TNIK: variants seen among roughly 807,000 people sequenced by gnomAD.
TNIK encodes TRAF2 and NCK interacting kinase.
A neutral mutation model predicts 191.3 loss-of-function variants in TNIK; 49 were observed. The observed-to-expected ratio is 0.26, with a 90% confidence interval of 0.20 to 0.32. TNIK has a LOEUF of 0.32. TNIK is among the 10% of genes least tolerant of loss of function. TNIK has a pLI of 1.00. For missense variants in TNIK, 1,155 were observed against 1,702.3 expected (o/e 0.68, Z 5.66); for synonymous variants, 594 against 600.9 (o/e 0.99, Z 0.17).
intron 2 of TNIK, among the ~76,000 whole-genome samples, chr3:171,233,290 A>AAC (rs1413704926): frequency 6.7e-6 from 1 of 149,350 alleles, no homozygotes; most frequent in Non-Finnish European, 1.5e-5. Context: ...CACTGATCAT[A>AAC]ACCAGCACTG....
intron 18 of TNIK, among the ~76,000 whole-genome samples, chr3:171,117,711 C>A (rs1056807150): frequency 6.6e-6 from 1 of 152,136 alleles, no homozygotes; most frequent in Non-Finnish European, 1.5e-5. Context: ...TGGCTCACAC[C>A]TGTAATCCCA....
chr3:171,139,953 G>A (rs1232705941), intron 13 of TNIK, among the ~76,000 whole-genome samples: 4 of 152,204 alleles, frequency 2.6e-5, no homozygotes, highest in South Asian at 4.1e-4. Context: ...ATCGTGCACT[G>A]TCTTTGTAAT....
At chr3:171,440,730 G>C (rs971774715) in intron 1 of TNIK, among the ~76,000 whole-genome samples, 1 of 152,096 alleles carries the variant, frequency 6.6e-6, no homozygotes, top group Non-Finnish European at 1.5e-5. Context: ...GGGTGTGGAG[G>C]GAGACAACCA....
At chr3:171,200,116 G>A (rs1189183931) in intron 4 of TNIK, among the ~76,000 whole-genome samples, 1 of 152,134 alleles carries the variant, frequency 6.6e-6, no homozygotes, top group Non-Finnish European at 1.5e-5. Context: ...CCAGGGCAAT[G>A]GATCTTTTTA....
chr3:171,120,879 AC>A (rs1341957370), intron 18 of TNIK, among the ~76,000 whole-genome samples: 4 of 152,072 alleles, frequency 2.6e-5, no homozygotes, highest in African/African-American at 7.2e-5. Context: ...CCCTACTAGT[AC>A]CCGTAGTCCC....
At chr3:171,383,296 C>T (rs1250428516) in intron 1 of TNIK, among the ~76,000 whole-genome samples, 1 of 152,222 alleles carries the variant, frequency 6.6e-6, no homozygotes, top group Non-Finnish European at 1.5e-5. Flanking sequence ...GGTCTCTGCA[C>T]CCCACTGAGG....
intron 2 of TNIK, among the ~76,000 whole-genome samples, chr3:171,336,303 A>G (rs1424208506): frequency 1.3e-5 from 2 of 152,290 alleles, no homozygotes; most frequent in Non-Finnish European, 2.9e-5. Flanking sequence ...TGTTCCAAAT[A>G]TCCTTGATAC....
intron 4 of TNIK, among the ~76,000 whole-genome samples, chr3:171,203,982 A>G (rs1739742022): frequency 6.6e-6 from 1 of 152,202 alleles, no homozygotes; most frequent in African/African-American, 2.4e-5. Context: ...GCCCTGTATT[A>G]TGGTGGTATC....
At chr3:171,247,102 T>G (rs974372401) in intron 2 of TNIK, among the ~76,000 whole-genome samples, 1 of 152,184 alleles carries the variant, frequency 6.6e-6, no homozygotes, top group African/African-American at 2.4e-5. Flanking sequence ...AAGAACAGCT[T>G]CCTGTGTCAC....
At chr3:171,071,109 A>T in intron 29 of TNIK, 114 bp downstream of exon 29, 1 of 648,328 alleles carries the variant, frequency 1.5e-6, no homozygotes, top group East Asian at 3.1e-5. Context: ...CACTTTTAAA[A>T]CAGGTTTATT....
Position 171,068,889 on chromosome 3 carries a change from C to T in TNIK, c.3658G>A (p.Val1220Ile). ...ATATCATAAGAGTTTCCTGAATCAA[C>T]ATCAATTACATGGAAACCAGTGTGT... ...GSHTGFHVID[V>I]DSGNSYDIYI... Residue 1220 changes from valine to isoleucine, a missense_variant, in exon 30 of 33, where the codon GTT becomes ATT. Around this residue, in one of 3 missense-constraint regions of TNIK, gnomAD observed 195 missense variants for 415.4 expected, o/e 0.47. Transcript: ENST00000436636. 6.2e-7 allele frequency: 1 copy of T among 1,613,826 alleles called. No individual in the cohort carries two copies. The highest frequency in any genetic ancestry group is 8.5e-7 in the Non-Finnish European group (1 of 1,179,792).
chr3:171,234,264 A>C (rs774425992), intron 2 of TNIK, among the ~76,000 whole-genome samples: 9 of 152,262 alleles, frequency 5.9e-5, no homozygotes, highest in Non-Finnish European at 1.3e-4. Context: ...TTCACAGAGC[A>C]TACTTGGCAT....
At chr3:171,439,663 A>T (rs1319260571) in intron 1 of TNIK, 1 of 152,060 alleles carries the variant, frequency 6.6e-6, no homozygotes, top group South Asian at 2.1e-4. Flanking sequence ...TATAAATTAC[A>T]CTCCAGATCA....
intron 2 of TNIK, among the ~76,000 whole-genome samples, chr3:171,320,924 T>G (rs1360059413): frequency 6.6e-6 from 1 of 152,172 alleles, no homozygotes; most frequent in Non-Finnish European, 1.5e-5. Context: ...CATCCCAGCA[T>G]AGAGGAACAA....
intron 15 of TNIK, 123 bp from the exon 16 acceptor site, chr3:171,129,001 A>C: frequency 7.2e-7 from 1 of 1,386,260 alleles, no homozygotes; most frequent in Non-Finnish European, 9.4e-7. Context: ...AACTGATTTT[A>C]AGAAGACAAA....
chr3:171,332,887 G>A (rs1393526141), intron 2 of TNIK, among the ~76,000 whole-genome samples: 1 of 152,192 alleles, frequency 6.6e-6, no homozygotes, highest in Non-Finnish European at 1.5e-5. Flanking sequence ...AACCTCAGCT[G>A]ACCCTATAAG....
chr3:171,329,690 C>T (rs1316391266), intron 2 of TNIK, among the ~76,000 whole-genome samples: 1 of 152,160 alleles, frequency 6.6e-6, no homozygotes, highest in East Asian at 1.9e-4. Context: ...CAATCAACCA[C>T]TGTGAATGAA....
chr3:171,138,946 TG>T (rs1331592023), intron 14 of TNIK, among the ~76,000 whole-genome samples: 3 of 152,226 alleles, frequency 2.0e-5, no homozygotes, highest in Admixed American at 2.0e-4. Context: ...TGGAGAGCAG[TG>T]CTATAATAAT....
intron 2 of TNIK, among the ~76,000 whole-genome samples, chr3:171,257,006 G>C (rs1746958060): frequency 6.6e-6 from 1 of 152,104 alleles, no homozygotes. Flanking sequence ...AACTTAAAAA[G>C]CACCTATTAA....
Sources: allele counts gnomAD v4.1 joint callset (sites outside exome capture counted in the v4.1 genomes callset), GRCh38; gene constraint gnomAD v4.1.1; regional missense constraint gnomAD v4.1.1; transcripts MANE v1.5; gene names NCBI Gene and HGNC (gene_info 2026-07-23, HGNC 2026-07-21).